ZBED6: variants seen among roughly 807,000 people sequenced by gnomAD.
The protein encoded by ZBED6 is zinc finger BED-type containing 6, also known as zinc finger BED domain-containing protein 6.
ZBED6 carries 40 observed loss-of-function variants against 58.4 expected under a neutral mutation model. That is an observed-to-expected ratio of 0.68 (90% CI 0.53 to 0.89). ZBED6 has a LOEUF of 0.89. Ranked by LOEUF, ZBED6 falls within the 40% of genes least tolerant of loss-of-function variation. ZBED6 has a pLI of 0.00. For synonymous variants in ZBED6, 439 were observed against 350.6 expected, an observed-to-expected ratio of 1.25 and a Z score of -2.82; for missense variants, 1,057 against 1,003.9, an observed-to-expected ratio of 1.05 and a Z score of -0.71.
intron 11 of ZBED6, among the ~76,000 whole-genome samples, chr1:203,845,909 A>T (rs1367767177): frequency 6.6e-6 from 1 of 152,046 alleles, no homozygotes; most frequent in Admixed American, 6.6e-5. Context: ...GAGAAATGAG[A>T]ACAGCACGGA....
chr1:203,830,770 T>C (rs1257281551), intron 7 of ZBED6, among the ~76,000 whole-genome samples: 1 of 151,768 alleles, frequency 6.6e-6, no homozygotes, highest in Admixed American at 6.6e-5. Context: ...GATCGCACCA[T>C]TGTATTCCAG....
intron 1 of ZBED6, among the ~76,000 whole-genome samples, chr1:203,812,275 C>T (rs1674739358): frequency 6.6e-6 from 1 of 152,176 alleles, no homozygotes; most frequent in African/African-American, 2.4e-5. Context: ...TCCCTCCTCC[C>T]ACCTTCTACC....
In ZBED6 at chr1:203,797,017, T is replaced by A. The variant is rs1288999497; in HGVS notation, c.-506T>A. Reference sequence around the variant, plus strand: ...ATGATGAATGTTGAATGATGCACTATGTTTTTGTTTAAATGAGATTTCCTG... The same window carrying A: ...ATGATGAATGTTGAATGATGCACTAAGTTTTTGTTTAAATGAGATTTCCTG... On this transcript the variant is annotated 5_prime_UTR_variant, in exon 1 of 17. It removes an upstream start codon present in the reference 5' UTR. Transcript: ENST00000550078. 1 of 153,382 alleles carries A rather than the reference T, an allele frequency of 6.5e-6. No homozygotes were observed. The highest frequency in any genetic ancestry group is 2.4e-5 in the African/African-American group (1 of 41,516). 9.5% of individuals were successfully genotyped at this position (153,382 alleles called of 1,614,324 possible). A position where few individuals can be genotyped will look rare whatever the true frequency, so the allele number is the denominator to read the frequency against.
chr1:203,834,363 C>G (rs1277527966), intron 9 of ZBED6, among the ~76,000 whole-genome samples: 1 of 152,168 alleles, frequency 6.6e-6, no homozygotes, highest in African/African-American at 2.4e-5. Flanking sequence ...CCTCCACCTC[C>G]TGGACTCAAG....
At chr1:203,840,360 A>T in exon 11 of ZBED6, 1 of 1,613,022 alleles carries the variant, frequency 6.2e-7, no homozygotes, top group Non-Finnish European at 8.5e-7. Flanking sequence ...GATCCAGATA[A>T]TGAGGATGCA....
intron 1 of ZBED6, chr1:203,806,005 A>T (rs184205391): frequency 1.5e-4 from 84 of 559,798 alleles, no homozygotes; most frequent in Non-Finnish European, 2.1e-4. Context: ...AACTTGTTTC[A>T]TGTTGAATGA....
chr1:203,834,645 C>G (rs1683638927), intron 9 of ZBED6, among the ~76,000 whole-genome samples: 1 of 151,924 alleles, frequency 6.6e-6, no homozygotes, highest in Admixed American at 6.6e-5. Context: ...TGTCTGACTC[C>G]AAAAAATTAT....
intron 2 of ZBED6, 112 bp downstream of exon 2, chr1:203,817,236 CT>C: frequency 1.3e-6 from 1 of 780,054 alleles, no homozygotes; most frequent in Non-Finnish European, 1.9e-6. Flanking sequence ...TTTTGCCCAA[CT>C]TTATTATTGG....
exon 6 of ZBED6, chr1:203,829,797 G>A (rs1404235027): frequency 2.5e-6 from 4 of 1,613,912 alleles, no homozygotes; most frequent in Non-Finnish European, 3.4e-6. Context: ...TTCTGAGGAA[G>A]GTGATGAAAC....
chr1:203,798,068 T>G, exon 1 of ZBED6: 1 of 1,536,078 alleles, frequency 6.5e-7, no homozygotes. Context: ...GGCATTCACC[T>G]CATTGGACCA....
chr1:203,834,109 A>C, intron 9 of ZBED6: 1 of 1,149,364 alleles, frequency 8.7e-7, no homozygotes. Flanking sequence ...AATGGTAAAG[A>C]ACACCTCTAT....
chr1:203,805,676 T>C, intron 1 of ZBED6: 1 of 687,486 alleles, frequency 1.5e-6, no homozygotes, highest in South Asian at 1.4e-5. Context: ...ATCCTTGTTT[T>C]TGTGACAGTG....
chr1:203,810,553 G>T (rs1393387084), intron 1 of ZBED6, among the ~76,000 whole-genome samples: 1 of 151,466 alleles, frequency 6.6e-6, no homozygotes, highest in African/African-American at 2.4e-5. Context: ...CAGAGTAGCT[G>T]GGACCACAGG....
Position 203,847,594 on chromosome 1 carries a change from G to A in ZBED6, c.*4152G>A, listed in dbSNP as rs764942220. On this transcript the variant is annotated 3_prime_UTR_variant, in exon 12 of 17. Transcript: ENST00000550078. ...AATTAAACTGGAGAAGGCACTGAGG[G>A]TGCAGCAGAGCTCTGAGAGCAGCAC... The A allele has an allele frequency of 6.2e-6, 10 of 1,613,660 alleles. No homozygotes were observed. The South Asian group carries it at 8.8e-5, about 14-fold the overall frequency.
chr1:203,815,825 G>A (rs935395835), intron 1 of ZBED6, among the ~76,000 whole-genome samples: 2 of 152,176 alleles, frequency 1.3e-5, no homozygotes, highest in Non-Finnish European at 2.9e-5. Flanking sequence ...CTTCTGGTAT[G>A]TACGTTTGTG....
At chr1:203,805,575 A>C (rs1030607715) in intron 1 of ZBED6, 6 of 614,596 alleles carry the variant, frequency 9.8e-6, no homozygotes, top group African/African-American at 5.5e-5. Context: ...TCAGTATTTC[A>C]TAGTCCCATA....
chr1:203,800,657 C>T lies in ZBED6; in HGVS notation c.*195C>T, dbSNP rs527797103. 6.1e-4 allele frequency: 275 copies of T among 450,414 alleles called. 1 individual carries two copies. The highest frequency in any genetic ancestry group is 1.2e-3 in the Admixed American group (30 of 24,306). 27.9% of individuals were successfully genotyped at this position (450,414 alleles called of 1,614,324 possible). A position where few individuals can be genotyped will look rare whatever the true frequency, so the allele number is the denominator to read the frequency against. On this transcript the variant is annotated 3_prime_UTR_variant, in exon 1 of 17. Coordinates refer to ENST00000550078, the Ensembl canonical transcript of ZBED6. ...AAAGATTTCATAGCTATAACTGTGG[C>T]GCTAGCACTTGAAAATTTTGCTTAT...
chr1:203,800,649 A>G, exon 1 of ZBED6: 1 of 505,760 alleles, frequency 2.0e-6, no homozygotes, highest in East Asian at 3.4e-5. Context: ...TCATAGCTAT[A>G]ACTGTGGCGC....
intron 4 of ZBED6, 26 bp downstream of exon 4, chr1:203,828,448 G>T: frequency 6.3e-7 from 1 of 1,582,628 alleles, no homozygotes; most frequent in Non-Finnish European, 8.6e-7. Flanking sequence ...AATTTTAAAA[G>T]AATATCAAAT....
Sources: gnomAD v4.1 joint callset for allele counts (sites outside exome capture counted in the v4.1 genomes callset) on GRCh38, gnomAD v4.1.1 for gene constraint, MANE v1.5 for transcripts, NCBI Gene and HGNC (gene_info 2026-07-23, HGNC 2026-07-21) for gene names.